The following SGK3 variants were observed in gnomAD, a reference collection of about 807,000 sequenced individuals.
SGK3 encodes the protein serum/glucocorticoid regulated kinase family member 3.
SGK3 carries 47 observed loss-of-function variants against 68.5 expected under a neutral mutation model. That is an observed-to-expected ratio of 0.69 (90% CI 0.54 to 0.87). The LOEUF (loss-of-function observed/expected upper bound fraction) is 0.87, where lower values mean the gene tolerates loss of function less well. Among genes scored for constraint, SGK3 ranks in the 40% least tolerant of loss-of-function variants. The pLI is 0.00. For synonymous variants in SGK3, 181 were observed against 189.1 expected, an observed-to-expected ratio of 0.96 and a Z score of 0.35; for missense variants, 479 against 575.5, an observed-to-expected ratio of 0.83 and a Z score of 1.72.
At chr8:66,737,102 T>TA (rs1163651750) in intron 1 of SGK3, 1 of 151,714 alleles carries the variant, frequency 6.6e-6, no homozygotes, top group South Asian at 2.1e-4. Context: ...TTTTTTTTTT[T>TA]ACAGGCGTGA....
chr8:66,733,046 C>G (rs999990062), intron 1 of SGK3, among the ~76,000 whole-genome samples: 1 of 152,008 alleles, frequency 6.6e-6, no homozygotes, highest in African/African-American at 2.4e-5. Context: ...AAAAATTCTA[C>G]GAAGTGTGCA....
chr8:66,746,732 A>AT (rs954617433), intron 1 of SGK3, among the ~76,000 whole-genome samples: 29 of 147,918 alleles, frequency 2.0e-4, no homozygotes, highest in South Asian at 4.3e-4. Context: ...ATTTTTCTTA[A>AT]TTTTTTTTTT....
intron 1 of SGK3, among the ~76,000 whole-genome samples, chr8:66,757,927 G>GTATATATATA (rs371749099): frequency 8.9e-5 from 12 of 134,248 alleles, no homozygotes; most frequent in African/African-American, 3.1e-4. Flanking sequence ...AAAAAAAAGT[G>GTATATATATA]TATATATATA....
At chr8:66,804,336 T>C in intron 3 of SGK3, 39 bp from the exon 4 acceptor site, 3 of 1,552,110 alleles carry the variant, frequency 1.9e-6, no homozygotes, top group Admixed American at 1.7e-5. Context: ...AGAAGACTTA[T>C]AAAATTAGTT....
At chr8:66,719,469 AC>A (rs1475690111) in intron 1 of SGK3, among the ~76,000 whole-genome samples, 4 of 152,070 alleles carry the variant, frequency 2.6e-5, no homozygotes, top group Non-Finnish European at 5.9e-5. Context: ...GGTATGTGCC[AC>A]CATACCCAGC....
intron 1 of SGK3, among the ~76,000 whole-genome samples, chr8:66,782,964 C>T (rs1214303614): frequency 2.6e-5 from 4 of 152,126 alleles, no homozygotes; most frequent in African/African-American, 9.7e-5. Flanking sequence ...TTTGTGTGCA[C>T]GTAGTTTTTA....
chr8:66,714,931 G>A (rs187403233), intron 1 of SGK3, among the ~76,000 whole-genome samples: 29 of 152,316 alleles, frequency 1.9e-4, no homozygotes, highest in Admixed American at 1.8e-3. Context: ...ATAAACATCT[G>A]TGGAATGAAT....
At chr8:66,768,811 C>T (rs954461390) in intron 1 of SGK3, among the ~76,000 whole-genome samples, 2 of 152,198 alleles carry the variant, frequency 1.3e-5, no homozygotes, top group South Asian at 2.1e-4. Context: ...GTGATCTGCC[C>T]GTTGCCCTCC....
intron 16 of SGK3, among the ~76,000 whole-genome samples, chr8:66,855,009 G>T (rs1262009024): frequency 6.6e-6 from 1 of 152,090 alleles, no homozygotes; most frequent in Non-Finnish European, 1.5e-5. Flanking sequence ...AACAAAAAGT[G>T]AAAATTAGCT....
At chr8:66,810,868 T>A (rs1368322641) in intron 4 of SGK3, among the ~76,000 whole-genome samples, 1 of 152,194 alleles carries the variant, frequency 6.6e-6, no homozygotes, top group African/African-American at 2.4e-5. Flanking sequence ...GTCTACTTTA[T>A]TCTAGTGTTT....
At chr8:66,840,814 C>G (rs554778105) in intron 12 of SGK3, 9 of 316,544 alleles carry the variant, frequency 2.8e-5, no homozygotes, top group African/African-American at 4.3e-5. Context: ...AGGTGGCACG[C>G]GCCTGTGGTC....
intron 5 of SGK3, among the ~76,000 whole-genome samples, chr8:66,822,040 G>A (rs1808856264): frequency 6.8e-6 from 1 of 147,414 alleles, no homozygotes; most frequent in Non-Finnish European, 1.5e-5. Flanking sequence ...CTTTTGCCAG[G>A]TAACGGACAT....
chr8:66,856,906 A>G (rs553133613), intron 16 of SGK3, among the ~76,000 whole-genome samples: 18 of 152,300 alleles, frequency 1.2e-4, no homozygotes, highest in African/African-American at 4.3e-4. Flanking sequence ...CAGCCTGGCC[A>G]ACATGGTGAA....
At chr8:66,717,207 GA>G (rs980569187) in intron 1 of SGK3, among the ~76,000 whole-genome samples, 24 of 101,800 alleles carry the variant, frequency 2.4e-4, no homozygotes, top group Middle Eastern at 6.0e-3. Context: ...CTCTTTATCT[GA>G]AAAAAAAAAA....
chr8:66,850,726 GT>G (rs1810247343), intron 15 of SGK3, 104 bp from the exon 16 acceptor site: 8 of 1,051,204 alleles, frequency 7.6e-6, no homozygotes, highest in Non-Finnish European at 1.1e-5. Context: ...CCTAAAAAGA[GT>G]TATTGAGGGG....
At chr8:66,798,452 A>C (rs952991398) in intron 2 of SGK3, 90 bp from the exon 3 acceptor site, 1 of 1,277,508 alleles carries the variant, frequency 7.8e-7, no homozygotes, top group African/African-American at 1.5e-5. Flanking sequence ...AAAAAAAAAA[A>C]AAAATTAAAA....
rs1809518005 is a variant in SGK3 at position 66,836,090 on chromosome 8, A to T, written c.741+16A>T. The T allele has an allele frequency of 6.2e-7, 1 of 1,603,114 alleles. No homozygotes were observed. The highest frequency in any genetic ancestry group is 8.5e-7 in the Non-Finnish European group (1 of 1,176,232). ...TGGAGGGGAGGTGAGTTTTATAATG[A>T]GTTTTCTAATGTTAATAGTTTAGAA... On this transcript the variant is annotated intron_variant, in intron 10 of 16. Coordinates refer to ENST00000521198, the MANE Select transcript of SGK3 (RefSeq NM_001033578.3).
intron 5 of SGK3, 141 bp downstream of exon 5, chr8:66,814,069 CCT>C (rs772352023): frequency 2.0e-5 from 11 of 546,548 alleles, no homozygotes; most frequent in Non-Finnish European, 2.9e-5. Flanking sequence ...GCATTTTCTC[CCT>C]GATACTCTTT....
At chr8:66,853,243 G>A (rs1810364782) in intron 16 of SGK3, among the ~76,000 whole-genome samples, 1 of 152,102 alleles carries the variant, frequency 6.6e-6, no homozygotes, top group Admixed American at 6.6e-5. Flanking sequence ...GAAAATTACA[G>A]TTAAGGGGAT....
Sources: allele counts gnomAD v4.1 joint callset (sites outside exome capture counted in the v4.1 genomes callset), GRCh38; gene constraint gnomAD v4.1.1; transcripts MANE v1.5; gene names NCBI Gene and HGNC (gene_info 2026-07-23, HGNC 2026-07-21).